EPHA8: variants seen among roughly 807,000 people sequenced by gnomAD.
EPHA8 encodes EPH receptor A8, also known as ephrin type-A receptor 8.
EPHA8 carries 58 observed loss-of-function variants against 103.6 expected under a neutral mutation model. The observed-to-expected ratio is 0.56, with a 90% CI of 0.45 to 0.70. EPHA8 has a LOEUF of 0.70. Among genes scored for constraint, EPHA8 ranks in the 30% least tolerant of loss-of-function variants. EPHA8 has a pLI of 0.00. For missense variants in EPHA8, 1,304 were observed against 1,395.2 expected (o/e 0.93, Z 1.04); for synonymous variants, 559 against 572.5 (o/e 0.98, Z 0.34).
At chr1:22,572,305 G>A (rs996364168) in intron 2 of EPHA8, among the ~76,000 whole-genome samples, 4 of 152,328 alleles carry the variant, frequency 2.6e-5, no homozygotes, top group Non-Finnish European at 4.4e-5. Context: ...TACTTACTTC[G>A]CCTCCACCTC....
chr1:22,577,932 TGAGTGTATGTGTGCGA>T (rs2124524034), intron 3 of EPHA8, among the ~76,000 whole-genome samples: 1 of 107,688 alleles, frequency 9.3e-6, no homozygotes, highest in African/African-American at 4.2e-5. Context: ...TATGTGTGCG[TGAGTGTATGTGTGCGA>T]GTGTATGCAT....
At position 22,588,912 on chromosome 1, in the gene EPHA8, G is replaced by T. The variant is rs769701249; in HGVS notation, c.1021G>T (p.Gly341Trp). 1.7e-5 allele frequency: 27 copies of T among 1,605,860 alleles called. No homozygotes were observed. Among genetic ancestry groups the T allele is most frequent in the East Asian group, 2.2e-5 (1 of 44,788 alleles). ...APVNLISSVN[G>W]TSVTLEWAPP... ...AGTGAACCTGATCTCCAGTGTGAAT[G>T]GGACATCAGTGACTCTGGAGTGGGC... The change falls in exon 5 of 17, where the codon GGG (glycine) becomes TGG (tryptophan). Residue 341 changes from glycine to tryptophan, a missense_variant. Physicochemically the swap from Gly to Trp is radical, Grantham distance 184 (BLOSUM62 -2). Transcript: ENST00000166244.
At position 22,598,298 on chromosome 1, in the gene EPHA8, C is replaced by T. The variant is rs1016940730; in HGVS notation, c.2178+86C>T. 21 of 1,376,894 alleles carry T rather than the reference C, an allele frequency of 1.5e-5. No homozygotes were observed. In the African/African-American group the frequency reaches 2.7e-4, roughly 18 times the overall value. The allele number at this position is 1,376,894 out of a possible 1,614,324, so 85.3% of individuals were successfully genotyped here. A position where few individuals can be genotyped will look rare whatever the true frequency, so the allele number is the denominator to read the frequency against. ...GGGAGATAGTGCAAAGCCCTCTAAG[C>T]CCCCTCCCTGGCTTGGACACCACAG... On this transcript the variant is annotated intron_variant, in intron 12 of 16. Transcript: ENST00000166244. The surrounding 1 kb of genome is among the most constrained non-coding windows in gnomAD (Gnocchi z 5.1).
At chr1:22,578,854 CATGT>C (rs1050134854) in intron 3 of EPHA8, among the ~76,000 whole-genome samples, 6 of 135,710 alleles carry the variant, frequency 4.4e-5, no homozygotes, top group East Asian at 2.3e-4. Flanking sequence ...TGTGTGCATG[CATGT>C]GTGTATATGC....
intron 2 of EPHA8, among the ~76,000 whole-genome samples, chr1:22,574,234 G>A (rs771263766): frequency 7.2e-5 from 11 of 151,984 alleles, no homozygotes; most frequent in Admixed American, 1.3e-4. Context: ...CTGCCTCAGC[G>A]TCCCAAAGTG....
At position 22,576,964 on chromosome 1, in the gene EPHA8, C is replaced by G. The variant is rs898506585; in HGVS notation, c.823+84C>G. The G allele has an allele frequency of 3.3e-5, 47 of 1,431,546 alleles. No homozygotes were observed. The African/African-American group carries it at 6.5e-4, about 20-fold the overall frequency. 88.7% of individuals were successfully genotyped at this position (1,431,546 alleles called of 1,614,324 possible). On this transcript the variant is annotated intron_variant, in intron 3 of 16. Coordinates refer to ENST00000166244, the MANE Select transcript of EPHA8 (RefSeq NM_020526.5). This position sits in a 1 kb window ranked among gnomAD's most constrained non-coding sequence, Gnocchi z 4.8. ...GCTGCCAGGGTGTAAGGGGGGACGT[C>G]AGAGCCCACAGGCACCTGAGTGACC...
At chr1:22,572,309 C>T (rs1030956725) in intron 2 of EPHA8, among the ~76,000 whole-genome samples, 1 of 152,248 alleles carries the variant, frequency 6.6e-6, no homozygotes, top group African/African-American at 2.4e-5. Flanking sequence ...TACTTCGCCT[C>T]CACCTCCTCA....
chr1:22,576,126 G>T lies in EPHA8; in HGVS notation c.160-91G>T, dbSNP rs1251082918. Reference sequence around the variant, plus strand: ...GGCCAGCTCCTTTGTCTTTTTTTTTGCCAGCGTCCCCAGCACAGAACACAG... The same window carrying T: ...GGCCAGCTCCTTTGTCTTTTTTTTTTCCAGCGTCCCCAGCACAGAACACAG... On this transcript the variant is annotated intron_variant, in intron 2 of 16. Coordinates refer to ENST00000166244, the MANE Select transcript of EPHA8 (RefSeq NM_020526.5). The surrounding 1 kb of genome is among the most constrained non-coding windows in gnomAD (Gnocchi z 4.8). 6 of 1,410,510 alleles carry T rather than the reference G, an allele frequency of 4.3e-6. No individual in the cohort carries two copies. Among genetic ancestry groups the T allele is most frequent in the African/African-American group, 1.4e-5 (1 of 69,062 alleles). The allele number at this position is 1,410,510 out of a possible 1,614,324, so 87.4% of individuals were successfully genotyped here. A position where few individuals can be genotyped will look rare whatever the true frequency, so the allele number is the denominator to read the frequency against.
At chr1:22,594,283 A>G (rs930157215) in intron 7 of EPHA8, among the ~76,000 whole-genome samples, 12 of 152,218 alleles carry the variant, frequency 7.9e-5, no homozygotes, top group Non-Finnish European at 1.5e-4. Flanking sequence ...CAGCATTTGC[A>G]CAGATGAAAA....
At chr1:22,594,689 C>T (rs1641469217) in intron 7 of EPHA8, among the ~76,000 whole-genome samples, 1 of 152,214 alleles carries the variant, frequency 6.6e-6, no homozygotes, top group African/African-American at 2.4e-5. Context: ...GTCTGAGTGC[C>T]TCCAGTGCTT....
intron 3 of EPHA8, among the ~76,000 whole-genome samples, chr1:22,578,613 G>A (rs1202756961): frequency 1.3e-5 from 2 of 151,218 alleles, no homozygotes; most frequent in Non-Finnish European, 2.9e-5. Flanking sequence ...GTGCATGAGT[G>A]TATGTCTGCG....
At position 22,600,919 on chromosome 1, in the gene EPHA8, G is replaced by C; in HGVS notation, c.2560G>C (p.Gly854Arg). 6.2e-7 allele frequency: 1 copy of C among 1,609,796 alleles called. No homozygotes were observed. The highest frequency in any genetic ancestry group is 8.5e-7 in the Non-Finnish European group (1 of 1,178,130). Residue 854 changes from glycine to arginine, a missense_variant, in exon 15 of 17, where the codon GGG becomes CGG. Physicochemically the swap from Gly to Arg is moderately radical, Grantham distance 125. Transcript: ENST00000166244. ...GCAGGTCATCAGCTCTGTGGAGGAG[G>C]GGTACCGCCTGCCCGCACCCATGGG... ...NRDVISSVEEGYRLPAPMGCP... is the reference protein window; with the variant it reads ...NRDVISSVEERYRLPAPMGCP...
intron 3 of EPHA8, among the ~76,000 whole-genome samples, chr1:22,578,734 AGT>A (rs1355454947): frequency 1.4e-5 from 2 of 139,974 alleles, no homozygotes; most frequent in African/African-American, 5.4e-5. Flanking sequence ...CATATGTGCA[AGT>A]GTATGTACGG....
chr1:22,588,790 G>A, intron 4 of EPHA8, 81 bp from the exon 5 acceptor site: 2 of 1,501,714 alleles, frequency 1.3e-6, no homozygotes, highest in Non-Finnish European at 1.8e-6. Flanking sequence ...CCTTCCCTTG[G>A]GGAGCCCCAG....
In EPHA8 at chr1:22,597,669, C is replaced by A. The variant is rs1268407072; in HGVS notation, c.1931-7C>A. The A allele has an allele frequency of 1.4e-5, 22 of 1,598,408 alleles. No homozygotes were observed. The highest frequency in any genetic ancestry group is 1.7e-5 in the Non-Finnish European group (20 of 1,171,758). ...CCCTCCACACCTGCCCCTCTCGGGGCCTGCAGGAGACTCCGGGGAAGTCTG... is the reference window on the plus strand; with the variant it reads ...CCCTCCACACCTGCCCCTCTCGGGGACTGCAGGAGACTCCGGGGAAGTCTG... On this transcript the variant is annotated splice_region_variant and splice_polypyrimidine_tract_variant and intron_variant, in intron 10 of 16. Transcript: ENST00000166244. The surrounding 1 kb of genome is among the most constrained non-coding windows in gnomAD (Gnocchi z 4.6).
At chr1:22,578,639 ATG>A (rs915931841) in intron 3 of EPHA8, among the ~76,000 whole-genome samples, 3 of 135,702 alleles carry the variant, frequency 2.2e-5, no homozygotes, top group Admixed American at 7.1e-5. Context: ...GCATGTGTGT[ATG>A]TGTATGTGTG....
chr1:22,565,908 G>C (rs144404527), intron 1 of EPHA8, among the ~76,000 whole-genome samples: 12 of 152,212 alleles, frequency 7.9e-5, no homozygotes, highest in African/African-American at 2.7e-4. Flanking sequence ...CAGCCATGGG[G>C]TGGAGACCTG....
intron 13 of EPHA8, among the ~76,000 whole-genome samples, chr1:22,600,295 G>A (rs1270372750): frequency 6.7e-6 from 1 of 149,126 alleles, no homozygotes; most frequent in Non-Finnish European, 1.5e-5. Flanking sequence ...AGGAAAGGAA[G>A]GAAGGGAAGA....
intron 4 of EPHA8, among the ~76,000 whole-genome samples, chr1:22,587,150 G>C (rs1641235352): frequency 6.6e-6 from 1 of 152,260 alleles, no homozygotes; most frequent in Non-Finnish European, 1.5e-5. Flanking sequence ...CTGGGGCCCT[G>C]CAGTGATTGT....
Sources: gnomAD v4.1 joint callset for allele counts (sites outside exome capture counted in the v4.1 genomes callset) on GRCh38, gnomAD v4.1.1 for gene constraint, Gnocchi (gnomAD v3.1) non-coding constraint, MANE v1.5 for transcripts, NCBI Gene and HGNC (gene_info 2026-07-23, HGNC 2026-07-21) for gene names.